The following PRKAR2A variants were observed in gnomAD, a reference collection of about 807,000 sequenced individuals.
PRKAR2A encodes protein kinase cAMP-dependent type II regulatory subunit alpha, also known as cAMP-dependent protein kinase type II-alpha regulatory subunit.
PRKAR2A carries 29 observed loss-of-function variants against 51.9 expected under a neutral mutation model. The observed-to-expected ratio is 0.56, with a 90% CI of 0.42 to 0.76. PRKAR2A has a LOEUF of 0.76. Among genes scored for constraint, PRKAR2A ranks in the 30% least tolerant of loss-of-function variants. The probability of loss-of-function intolerance (pLI) is 0.00; values close to 1 mark genes in which losing one functional copy is unlikely to be tolerated. For missense variants in PRKAR2A, 445 were observed against 512.1 expected, an observed-to-expected ratio of 0.87 and a Z score of 1.26; for synonymous variants, 178 against 186.2, an observed-to-expected ratio of 0.96 and a Z score of 0.36.
At chr3:48,845,402 G>C (rs1028562146) in intron 1 of PRKAR2A, among the ~76,000 whole-genome samples, 1 of 152,134 alleles carries the variant, frequency 6.6e-6, no homozygotes, top group Admixed American at 6.6e-5. Flanking sequence ...AGCAATGACC[G>C]TTAATTAACT....
At chr3:48,745,023 C>T (rs777661739), downstream of PRKAR2A, among the ~76,000 whole-genome samples, 8 of 151,796 alleles carry the variant, frequency 5.3e-5, no homozygotes, top group Admixed American at 1.3e-4. Flanking sequence ...TACAGGCACC[C>T]GCCACCACAC....
intron 3 of PRKAR2A, among the ~76,000 whole-genome samples, chr3:48,791,637 C>T (rs368782188): frequency 5.4e-4 from 80 of 148,126 alleles, no homozygotes; most frequent in African/African-American, 1.9e-3. Context: ...TGGCTCACTC[C>T]TGTAATCCCA....
At chr3:48,772,445 G>A (rs2107255896) in intron 6 of PRKAR2A, among the ~76,000 whole-genome samples, 1 of 152,172 alleles carries the variant, frequency 6.6e-6, no homozygotes, top group South Asian at 2.1e-4. Flanking sequence ...GACCTCAAGT[G>A]ATCTTCCCGC....
chr3:48,820,991 C>G (rs1460374345), intron 1 of PRKAR2A, among the ~76,000 whole-genome samples: 1 of 152,158 alleles, frequency 6.6e-6, no homozygotes, highest in Non-Finnish European at 1.5e-5. Context: ...TCCAGGCTCC[C>G]TATGTCAGGG....
At chr3:48,844,792 A>T (rs1002238070) in intron 1 of PRKAR2A, among the ~76,000 whole-genome samples, 1 of 145,372 alleles carries the variant, frequency 6.9e-6, no homozygotes, top group African/African-American at 2.5e-5. Context: ...AACAATGAGA[A>T]CACATGGACA....
chr3:48,835,890 T>C (rs1187490673), intron 1 of PRKAR2A, among the ~76,000 whole-genome samples: 5 of 152,148 alleles, frequency 3.3e-5, no homozygotes, highest in Admixed American at 1.3e-4. Context: ...TAGAGTTATC[T>C]ATAGTAATCA....
chr3:48,812,439 C>T (rs2082789432), intron 1 of PRKAR2A, among the ~76,000 whole-genome samples: 1 of 151,588 alleles, frequency 6.6e-6, no homozygotes, highest in Non-Finnish European at 1.5e-5. Flanking sequence ...AATAATTTAC[C>T]ACATCCTTTA....
Position 48,765,051 on chromosome 3 carries a change from C to T in PRKAR2A, c.826G>A (p.Val276Ile). ...TCCTTATAGATCTTCTCTCCTATTA[C>T]ATCCACAATCTTCATTCGTTCTGAC... The part of the protein sequence containing the change: ...EVSERMKIVD[V>I]IGEKIYKDGE... The change falls in exon 8 of 11, where the codon GTA becomes ATA. Residue 276 changes from valine to isoleucine, a missense_variant. By Grantham distance (29) the Val-to-Ile change is conservative. Coordinates refer to ENST00000265563, the MANE Select transcript of PRKAR2A (RefSeq NM_004157.4). 1.2e-6 allele frequency: 2 copies of T among 1,614,182 alleles called. No individual in the cohort carries two copies. Among genetic ancestry groups the T allele is most frequent in the African/African-American group, 1.3e-5 (1 of 75,072 alleles).
At chr3:48,759,800 TTG>T (rs1248033763) in intron 8 of PRKAR2A, among the ~76,000 whole-genome samples, 1 of 152,242 alleles carries the variant, frequency 6.6e-6, no homozygotes, top group Non-Finnish European at 1.5e-5. Flanking sequence ...TTTTAGGTCT[TTG>T]TGAACATGTC....
chr3:48,780,058 C>T (rs1310304702), intron 5 of PRKAR2A, among the ~76,000 whole-genome samples: 1 of 151,398 alleles, frequency 6.6e-6, no homozygotes, highest in Non-Finnish European at 1.5e-5. Context: ...ACTCAGGAAG[C>T]TGAGGCAGGA....
downstream of PRKAR2A, among the ~76,000 whole-genome samples, chr3:48,745,234 G>A (rs1015461672): frequency 1.4e-5 from 2 of 147,924 alleles, no homozygotes; most frequent in Non-Finnish European, 3.0e-5. Flanking sequence ...GTAGAGACAG[G>A]GTCTTACTAT....
intron 1 of PRKAR2A, among the ~76,000 whole-genome samples, chr3:48,817,219 C>T (rs1474567731): frequency 6.6e-6 from 1 of 151,666 alleles, no homozygotes; most frequent in African/African-American, 2.4e-5. Context: ...CCCACCGATT[C>T]GGGAGGCTGA....
intron 3 of PRKAR2A, among the ~76,000 whole-genome samples, chr3:48,790,988 A>G (rs2082372795): frequency 6.6e-6 from 1 of 152,122 alleles, no homozygotes; most frequent in Admixed American, 6.6e-5. Context: ...GACCAGAAAT[A>G]ATAGATGTTA....
chr3:48,752,986 G>A (rs1290316355), intron 9 of PRKAR2A, among the ~76,000 whole-genome samples: 1 of 123,878 alleles, frequency 8.1e-6, no homozygotes, highest in East Asian at 2.8e-4. Context: ...AGGCTGGAGT[G>A]CAGTGGCGCA....
chr3:48,826,586 C>T (rs2083071156), intron 1 of PRKAR2A, among the ~76,000 whole-genome samples: 1 of 152,142 alleles, frequency 6.6e-6, no homozygotes, highest in Non-Finnish European at 1.5e-5. Context: ...AACTCAACCT[C>T]CAGCCCCCTT....
intron 8 of PRKAR2A, among the ~76,000 whole-genome samples, chr3:48,764,529 C>T (rs1215929289): frequency 6.6e-6 from 1 of 152,100 alleles, no homozygotes; most frequent in Non-Finnish European, 1.5e-5. Context: ...GTCAGTAAGA[C>T]GGACGTCAAT....
At chr3:48,815,140 C>T (rs2082852782) in intron 1 of PRKAR2A, among the ~76,000 whole-genome samples, 1 of 151,978 alleles carries the variant, frequency 6.6e-6, no homozygotes, top group African/African-American at 2.4e-5. Flanking sequence ...TCTTGAACTC[C>T]CGACCTCAGG....
chr3:48,751,977 T>C (rs1312913348), intron 10 of PRKAR2A, among the ~76,000 whole-genome samples, 199 bp downstream of exon 10: 2 of 152,214 alleles, frequency 1.3e-5, no homozygotes, highest in African/African-American at 4.8e-5. Context: ...AGAACCTGCA[T>C]GCCTGTCTTG....
chr3:48,762,038 A>T (rs1490876645), intron 8 of PRKAR2A, among the ~76,000 whole-genome samples: 1 of 152,264 alleles, frequency 6.6e-6, no homozygotes, highest in East Asian at 1.9e-4. Context: ...CCTAAAATAC[A>T]GCAGCAAAAG....
Sources: allele counts gnomAD v4.1 joint callset (sites outside exome capture counted in the v4.1 genomes callset), GRCh38; gene constraint gnomAD v4.1.1; transcripts MANE v1.5; gene names NCBI Gene and HGNC (gene_info 2026-07-23, HGNC 2026-07-21).